Variants in LINGO2 observed in about 807,000 individuals in gnomAD.
The protein encoded by LINGO2 is leucine rich repeat and Ig domain containing 2, also known as leucine-rich repeat and immunoglobulin-like domain-containing nogo receptor-interacting protein 2.
In LINGO2, 14 loss-of-function variants were observed where a neutral mutation model predicts 30.6. That is an observed-to-expected ratio of 0.46 (90% CI 0.30 to 0.72). The LOEUF is 0.72. Ranked by LOEUF, LINGO2 falls within the 30% of genes least tolerant of loss-of-function variation. The pLI is 0.07. For synonymous variants in LINGO2, 317 were observed against 288.5 expected (o/e 1.10, Z -1.00); for missense variants, 729 against 751.7 (o/e 0.97, Z 0.35).
chr9:28,746,306 T>A, the LINGO2 span, among the ~76,000 whole-genome samples: 2 of 152,186 alleles, frequency 1.3e-5, no homozygotes, highest in East Asian at 3.9e-4. Context: ...AGTAATTTAC[T>A]TAATTTTAAA....
chr9:28,038,659 G>C (rs937170132), intron 4 of LINGO2, among the ~76,000 whole-genome samples: 27 of 145,836 alleles, frequency 1.9e-4, no homozygotes, highest in East Asian at 6.2e-4. Flanking sequence ...CACCACTGCA[G>C]TCCAGCCTGG....
chr9:28,773,367 A>G, the LINGO2 span, among the ~76,000 whole-genome samples: 3 of 38,028 alleles, frequency 7.9e-5, no homozygotes, highest in South Asian at 1.9e-3. Flanking sequence ...TCCATCTCAG[A>G]AAAAAAAAAA....
the LINGO2 span, among the ~76,000 whole-genome samples, chr9:29,196,621 C>T: frequency 6.6e-6 from 1 of 151,972 alleles, no homozygotes; most frequent in Non-Finnish European, 1.5e-5. Context: ...TAAGTGTGAT[C>T]AGACTTAAAC....
At chr9:28,330,647 G>A (rs1274155008) in intron 3 of LINGO2, among the ~76,000 whole-genome samples, 1 of 152,098 alleles carries the variant, frequency 6.6e-6, no homozygotes, top group African/African-American at 2.4e-5. Flanking sequence ...CCCAAAATGT[G>A]ATCTGTTATT....
the LINGO2 span, among the ~76,000 whole-genome samples, chr9:28,723,998 GT>G: frequency 6.6e-6 from 1 of 151,958 alleles, no homozygotes; most frequent in Non-Finnish European, 1.5e-5. Context: ...CTTCTTCTGT[GT>G]TTATTATGGG....
At chr9:28,743,452 T>C in the LINGO2 span, among the ~76,000 whole-genome samples, 6 of 151,950 alleles carry the variant, frequency 3.9e-5, no homozygotes, top group African/African-American at 1.5e-4. Flanking sequence ...TCTGCTCCTG[T>C]GCTAGTTTGC....
chr9:29,110,366 T>A, the LINGO2 span, among the ~76,000 whole-genome samples: 2 of 152,198 alleles, frequency 1.3e-5, no homozygotes, highest in Non-Finnish European at 2.9e-5. Context: ...GGAGTCTTGC[T>A]CCGTCGCCCA....
chr9:28,171,019 A>C (rs544420269), intron 4 of LINGO2, among the ~76,000 whole-genome samples: 1 of 152,162 alleles, frequency 6.6e-6, no homozygotes, highest in South Asian at 2.1e-4. Flanking sequence ...ATCATCCCCA[A>C]CCCAAAACCA....
intron 1 of LINGO2, among the ~76,000 whole-genome samples, chr9:28,654,944 T>A (rs1243925830): frequency 2.0e-5 from 3 of 152,130 alleles, no homozygotes; most frequent in African/African-American, 7.2e-5. Flanking sequence ...TGTTTTTTGC[T>A]GTGTGAAAAT....
At chr9:28,241,590 C>T (rs922376085) in intron 4 of LINGO2, among the ~76,000 whole-genome samples, 14 of 152,074 alleles carry the variant, frequency 9.2e-5, no homozygotes, top group African/African-American at 3.4e-4. Context: ...TAGGTTTACC[C>T]CCAGTGTAGC....
the LINGO2 span, chr9:27,940,170 G>C: frequency 6.6e-6 from 1 of 151,792 alleles, no homozygotes; most frequent in African/African-American, 2.4e-5. Flanking sequence ...TCCCCAGATG[G>C]TTCTTAGTAA....
chr9:28,375,944 T>C (rs1040117711), intron 2 of LINGO2, among the ~76,000 whole-genome samples: 4 of 152,104 alleles, frequency 2.6e-5, no homozygotes, highest in African/African-American at 9.7e-5. Flanking sequence ...GCCAAGAGAT[T>C]GGCAGCAAGG....
At chr9:28,227,956 T>G (rs1053171617) in intron 4 of LINGO2, among the ~76,000 whole-genome samples, 2 of 151,986 alleles carry the variant, frequency 1.3e-5, no homozygotes, top group African/African-American at 4.8e-5. Context: ...TTATCCAGAG[T>G]AATTAGGGCT....
chr9:28,796,099 C>A, the LINGO2 span, among the ~76,000 whole-genome samples: 1 of 139,546 alleles, frequency 7.2e-6, no homozygotes, highest in Admixed American at 7.2e-5. Context: ...AAAAAAAAAA[C>A]CTTAAAACTG....
At chr9:28,009,298 C>A (rs1286402735) in intron 5 of LINGO2, among the ~76,000 whole-genome samples, 1 of 150,722 alleles carries the variant, frequency 6.6e-6, no homozygotes, top group Non-Finnish European at 1.5e-5. Flanking sequence ...CACAGGAATA[C>A]ATCTTCATGA....
At chr9:28,619,093 G>A (rs1186758427) in intron 1 of LINGO2, among the ~76,000 whole-genome samples, 2 of 152,134 alleles carry the variant, frequency 1.3e-5, no homozygotes, top group Non-Finnish European at 2.9e-5. Flanking sequence ...TCTCTCCTAA[G>A]TGTAAGATTC....
intron 4 of LINGO2, among the ~76,000 whole-genome samples, chr9:28,194,073 A>T (rs1587191471): frequency 6.6e-6 from 1 of 152,170 alleles, no homozygotes; most frequent in East Asian, 1.9e-4. Context: ...ATGCCAGTCC[A>T]GTTTCAAAGG....
the LINGO2 span, among the ~76,000 whole-genome samples, chr9:29,149,981 G>A: frequency 6.6e-6 from 1 of 152,252 alleles, no homozygotes; most frequent in Admixed American, 6.5e-5. Context: ...GTTATTGAAG[G>A]GGGCTTCCCC....
the LINGO2 span, among the ~76,000 whole-genome samples, chr9:29,108,626 C>T: frequency 6.6e-6 from 1 of 152,166 alleles, no homozygotes; most frequent in Non-Finnish European, 1.5e-5. Flanking sequence ...AATTAGATCT[C>T]ATTCCCTAAG....
Sources: allele counts gnomAD v4.1 joint callset (sites outside exome capture counted in the v4.1 genomes callset), GRCh38; gene constraint gnomAD v4.1.1; transcripts MANE v1.5; gene names NCBI Gene and HGNC (gene_info 2026-07-23, HGNC 2026-07-21).